The following ATP8A2 variants were observed in gnomAD, a reference collection of about 807,000 sequenced individuals.
ATP8A2 encodes phospholipid-transporting ATPase IB.
A neutral mutation model predicts 165.6 loss-of-function variants in ATP8A2; 100 were observed. The observed-to-expected ratio is 0.60, with a 90% confidence interval of 0.51 to 0.71. ATP8A2 has a LOEUF of 0.71. Ranked by LOEUF, ATP8A2 falls within the 30% of genes least tolerant of loss-of-function variation. The probability of loss-of-function intolerance (pLI) is 0.00; values close to 1 mark genes in which losing one functional copy is unlikely to be tolerated. For missense variants in ATP8A2, 1,227 were observed against 1,479.5 expected, an observed-to-expected ratio of 0.83 and a Z score of 2.80; for synonymous variants, 543 against 548.8, an observed-to-expected ratio of 0.99 and a Z score of 0.15.
intron 27 of ATP8A2, among the ~76,000 whole-genome samples, chr13:25,815,852 C>T (rs1272978909): frequency 2.0e-5 from 3 of 152,056 alleles, no homozygotes; most frequent in Non-Finnish European, 2.9e-5. Flanking sequence ...TATTATTTAG[C>T]CTTAAAAAGA....
At position 25,550,163 on chromosome 13, in the gene ATP8A2, G is replaced by A. The variant is rs140926950; in HGVS notation, c.892-1175G>A. Among the ~76,000 whole-genome samples, 8 of 152,062 alleles carry A rather than the reference G, an allele frequency of 5.3e-5. No individual in the cohort carries two copies. The East Asian group carries it at 9.7e-4, about 18-fold the overall frequency. On this transcript the variant is annotated intron_variant, in intron 10 of 36. Transcript: ENST00000381655. The stretch of plus-strand genomic sequence containing the variant: ...CTACTAAAAATACAAAAAATTAGTC[G>A]GGCGTGATGGTGGGCGCCTGTAGTC...
rs777620731 is a variant in ATP8A2 at position 25,828,177 on chromosome 13, C to T, written c.2739C>T (p.Ile913=). The stretch of plus-strand genomic sequence containing the variant: ...AGATTTTATTTGAACGTTGGTGCAT[C>T]GGCCTGTACAATGTGGTAAGCATTC... The part of the protein sequence containing the change: ...SGQILFERWC[I]GLYNVIFTAL... The change falls in exon 28 of 37, where the codon ATC becomes ATT. Residue 913 remains isoleucine (I), a synonymous_variant. Coordinates refer to ENST00000381655, the MANE Select transcript of ATP8A2 (RefSeq NM_016529.6). 8.1e-6 allele frequency: 13 copies of T among 1,613,662 alleles called. No homozygotes were observed. Among genetic ancestry groups the T allele is most frequent in the South Asian group, 4.4e-5 (4 of 91,074 alleles).
chr13:25,877,423 A>C (rs983315212), intron 33 of ATP8A2, among the ~76,000 whole-genome samples: 2 of 152,234 alleles, frequency 1.3e-5, no homozygotes, highest in Non-Finnish European at 2.9e-5. Context: ...TCTGACTCAT[A>C]AAGCGATGTT....
At chr13:25,383,039 G>A (rs1566093257) in intron 1 of ATP8A2, among the ~76,000 whole-genome samples, 1 of 149,702 alleles carries the variant, frequency 6.7e-6, no homozygotes, top group Non-Finnish European at 1.5e-5. Context: ...ACAGGTGTGA[G>A]CCACCACACC....
chr13:25,769,531 A>G (rs2044572411), intron 26 of ATP8A2, among the ~76,000 whole-genome samples: 1 of 151,990 alleles, frequency 6.6e-6, no homozygotes, highest in African/African-American at 2.4e-5. Context: ...ATAACCTCTC[A>G]CCTTCAGCTT....
chr13:25,781,780 C>A (rs987620647), intron 27 of ATP8A2, among the ~76,000 whole-genome samples: 1 of 152,124 alleles, frequency 6.6e-6, no homozygotes, highest in Non-Finnish European at 1.5e-5. Flanking sequence ...CAGGCGTGAC[C>A]CCTTTGCCCG....
At chr13:25,965,155 A>G (rs1349485894) in intron 34 of ATP8A2, among the ~76,000 whole-genome samples, 1 of 152,186 alleles carries the variant, frequency 6.6e-6, no homozygotes. Context: ...GTGAGACTCC[A>G]TCTCAAAGAA....
chr13:25,575,917 G>A (rs562720854), intron 19 of ATP8A2, among the ~76,000 whole-genome samples: 1 of 152,300 alleles, frequency 6.6e-6, no homozygotes, highest in South Asian at 2.1e-4. Flanking sequence ...ATAAAAACAG[G>A]TGAATATTGG....
intron 24 of ATP8A2, among the ~76,000 whole-genome samples, chr13:25,695,591 G>A (rs192340186): frequency 1.3e-5 from 2 of 152,290 alleles, no homozygotes; most frequent in East Asian, 3.9e-4. Flanking sequence ...ATCCTTTGTT[G>A]TCATTTCAAG....
chr13:25,693,508 G>A (rs986999891), intron 24 of ATP8A2, among the ~76,000 whole-genome samples: 3 of 152,134 alleles, frequency 2.0e-5, no homozygotes, highest in Admixed American at 2.0e-4. Flanking sequence ...CAGAGGCAAA[G>A]GAGTGTATCT....
chr13:25,603,559 C>T (rs2040442587), intron 24 of ATP8A2, among the ~76,000 whole-genome samples: 1 of 151,556 alleles, frequency 6.6e-6, no homozygotes, highest in Non-Finnish European at 1.5e-5. Context: ...GGCATGGAGG[C>T]AGGAGCCCAC....
chr13:25,393,271 A>G (rs938747779), intron 1 of ATP8A2, among the ~76,000 whole-genome samples: 14 of 152,026 alleles, frequency 9.2e-5, no homozygotes, highest in Non-Finnish European at 1.9e-4. Context: ...CTGGGGCTAC[A>G]GGCGCGTGCC....
At chr13:25,587,256 G>T (rs2039948230) in intron 23 of ATP8A2, among the ~76,000 whole-genome samples, 1 of 152,152 alleles carries the variant, frequency 6.6e-6, no homozygotes, top group Non-Finnish European at 1.5e-5. Context: ...AAACTTCCCT[G>T]GTCTGTCTAG....
At chr13:25,436,252 C>T (rs1408590495) in intron 1 of ATP8A2, among the ~76,000 whole-genome samples, 1 of 152,066 alleles carries the variant, frequency 6.6e-6, no homozygotes, top group Non-Finnish European at 1.5e-5. Context: ...TAGGCAGTTC[C>T]TCAGCCCCTA....
intron 25 of ATP8A2, among the ~76,000 whole-genome samples, chr13:25,708,141 C>T (rs1215625322): frequency 6.6e-6 from 1 of 152,160 alleles, no homozygotes; most frequent in African/African-American, 2.4e-5. Context: ...CGAGGTCACA[C>T]TGTGGCCTAA....
intron 24 of ATP8A2, among the ~76,000 whole-genome samples, chr13:25,661,008 A>G (rs911067908): frequency 6.6e-6 from 1 of 152,182 alleles, no homozygotes; most frequent in South Asian, 2.1e-4. Context: ...AGTTACAGAT[A>G]TAGGGGATTC....
At chr13:25,559,914 A>T (rs2039091370) in intron 15 of ATP8A2, 149 bp downstream of exon 15, 1 of 605,070 alleles carries the variant, frequency 1.7e-6, no homozygotes, top group Non-Finnish European at 2.9e-6. Context: ...TGTAGTCACG[A>T]ACTCCTGGAT....
chr13:25,633,385 A>G (rs2041293257), intron 24 of ATP8A2, among the ~76,000 whole-genome samples: 1 of 152,154 alleles, frequency 6.6e-6, no homozygotes, highest in Non-Finnish European at 1.5e-5. Context: ...ACACATCACG[A>G]GCCTCAGAAC....
intron 2 of ATP8A2, among the ~76,000 whole-genome samples, chr13:25,473,913 C>CT (rs1377585201): frequency 6.6e-6 from 1 of 152,104 alleles, no homozygotes; most frequent in Non-Finnish European, 1.5e-5. Flanking sequence ...AAATAATGTG[C>CT]TGATCAAAGG....
Sources: gnomAD v4.1 joint callset for allele counts (sites outside exome capture counted in the v4.1 genomes callset) on GRCh38, gnomAD v4.1.1 for gene constraint, MANE v1.5 for transcripts, NCBI Gene and HGNC (gene_info 2026-07-23, HGNC 2026-07-21) for gene names.